The following CASTOR2 variants were observed in gnomAD, a reference collection of about 807,000 sequenced individuals.
CASTOR2 encodes cytosolic arginine sensor for mTORC1 subunit 2.
CASTOR2 carries 8 observed loss-of-function variants against 31.2 expected under a neutral mutation model. The ratio of observed to expected loss-of-function variants is 0.26; its 90% confidence interval spans 0.15 to 0.46. The LOEUF is 0.46. Ranked by LOEUF, CASTOR2 falls within the 20% of genes least tolerant of loss-of-function variation. CASTOR2 has a pLI of 0.99. For missense variants in CASTOR2, 216 were observed against 382.1 expected (o/e 0.57, Z 3.62); for synonymous variants, 162 against 158.7 (o/e 1.02, Z -0.16).
intron 6 of CASTOR2, among the ~76,000 whole-genome samples, chr7:75,020,544 G>A (rs1804970788): frequency 6.6e-6 from 1 of 150,672 alleles, no homozygotes; most frequent in Non-Finnish European, 1.5e-5. Context: ...AGGCTGGAGT[G>A]CAGTGGCACT....
intron 1 of CASTOR2, among the ~76,000 whole-genome samples, chr7:74,998,368 C>T (rs1804404069): frequency 6.6e-6 from 1 of 152,176 alleles, no homozygotes; most frequent in East Asian, 1.9e-4. Context: ...CTTTGGGAGG[C>T]TGAGGTGGGT....
At position 74,997,224 on chromosome 7, in the gene CASTOR2, T is replaced by A. The variant is rs1228707222; in HGVS notation, c.114-10770T>A. 2.3e-3 allele frequency among the ~76,000 whole-genome samples: 343 copies of A among 151,544 alleles called. 7 individuals are homozygous for A. The East Asian group carries it at 0.05, about 22-fold the overall frequency. On this transcript the variant is annotated intron_variant, in intron 1 of 8. Coordinates refer to ENST00000616305, the MANE Select transcript of CASTOR2 (RefSeq NM_001145064.3). The stretch of plus-strand genomic sequence containing the variant: ...GCATGTTACCAGGCCCTGCTAATAT[T>A]TTTTTTTAGATTATTTTTTGTAGAG...
intron 2 of CASTOR2, among the ~76,000 whole-genome samples, chr7:75,010,123 G>T (rs1206316781): frequency 8.5e-5 from 13 of 152,074 alleles, no homozygotes; most frequent in African/African-American, 3.1e-4. Flanking sequence ...AAGCAGCATG[G>T]GGAGACTTCT....
intron 2 of CASTOR2, among the ~76,000 whole-genome samples, chr7:75,014,078 G>C (rs1804811107): frequency 6.6e-6 from 1 of 152,104 alleles, no homozygotes. Flanking sequence ...TGTCCTGACA[G>C]ATTCAGAATA....
chr7:74,986,115 A>G (rs1394728756), intron 1 of CASTOR2, among the ~76,000 whole-genome samples: 1 of 151,942 alleles, frequency 6.6e-6, no homozygotes, highest in African/African-American at 2.4e-5. Context: ...TTTTTAGTAG[A>G]GATGGGGTTT....
intron 1 of CASTOR2, among the ~76,000 whole-genome samples, chr7:74,992,673 C>T (rs1401389881): frequency 6.6e-6 from 1 of 152,110 alleles, no homozygotes; most frequent in Non-Finnish European, 1.5e-5. Flanking sequence ...CTCCTGACCT[C>T]GTGATCTGCC....
intron 1 of CASTOR2, among the ~76,000 whole-genome samples, chr7:74,999,908 C>T (rs1379667039): frequency 1.3e-5 from 2 of 152,264 alleles, no homozygotes; most frequent in East Asian, 1.9e-4. Context: ...CCACTGCGCC[C>T]GGCCACTCAC....
Position 75,027,892 on chromosome 7 carries a change from C to A in CASTOR2, c.*3193C>A, listed in dbSNP as rs947281958. 10 of 961,054 alleles carry A rather than the reference C, an allele frequency of 1.0e-5. No homozygotes were observed. In the East Asian group the frequency reaches 1.0e-4, roughly 10 times the overall value. 59.5% of individuals were successfully genotyped at this position (961,054 alleles called of 1,614,324 possible). On this transcript the variant is annotated 3_prime_UTR_variant, in exon 9 of 9. Transcript: ENST00000616305. Reference sequence around the variant, plus strand: ...GCAGGGGCCGTCTGCCCTTGTCCCCCAGCTATCTCCTGGTCTGCTGGGTGG... The same window carrying A: ...GCAGGGGCCGTCTGCCCTTGTCCCCAAGCTATCTCCTGGTCTGCTGGGTGG...
intron 1 of CASTOR2, among the ~76,000 whole-genome samples, chr7:74,975,953 C>T (rs1230101142): frequency 1.3e-5 from 2 of 149,966 alleles, no homozygotes; most frequent in African/African-American, 4.9e-5. Context: ...GGCATCCCAC[C>T]CCCAACCGGC....
intron 1 of CASTOR2, among the ~76,000 whole-genome samples, chr7:74,977,757 G>A (rs879986796): frequency 6.0e-5 from 9 of 150,272 alleles, no homozygotes; most frequent in Admixed American, 5.4e-4. Context: ...GCTCACTCCA[G>A]CCTCGATTTC....
intron 2 of CASTOR2, among the ~76,000 whole-genome samples, chr7:75,011,212 T>A (rs1159423381): frequency 1.3e-5 from 2 of 151,744 alleles, no homozygotes; most frequent in South Asian, 4.2e-4. Context: ...GCAGATCACC[T>A]GAGGTCAGGA....
intron 2 of CASTOR2, among the ~76,000 whole-genome samples, chr7:75,009,688 A>C (rs1463938469): frequency 6.6e-6 from 1 of 151,816 alleles, no homozygotes; most frequent in Non-Finnish European, 1.5e-5. Context: ...ATGTGTGTAC[A>C]GCCACAGCTT....
chr7:74,969,313 T>C (rs1427084857), intron 1 of CASTOR2, among the ~76,000 whole-genome samples: 5 of 110,402 alleles, frequency 4.5e-5, no homozygotes, highest in African/African-American at 1.9e-4. Flanking sequence ...GATAGGGTCT[T>C]CTTCTGTCAC....
rs1192035620 is a variant in CASTOR2 at position 75,004,452 on chromosome 7, CT to C, written c.114-3528del. ...ACCTCATGGATGACCCTAGCACAGG[CT>C]TTTTTTTTTTTTTCCCCCCGAGATG... is the stretch of plus-strand genomic sequence containing the variant. On this transcript the variant is annotated intron_variant, in intron 1 of 8. Transcript: ENST00000616305. Among the ~76,000 whole-genome samples, 54 of 136,246 alleles carry C rather than the reference CT, an allele frequency of 4.0e-4. 1 individual carries two copies. In the South Asian group the frequency reaches 6.2e-3, roughly 16 times the overall value. The allele number at this position is 136,246 out of a possible 152,430, so 89.4% of individuals were successfully genotyped here. A position where few individuals can be genotyped will look rare whatever the true frequency, so the allele number is the denominator to read the frequency against.
intron 2 of CASTOR2, among the ~76,000 whole-genome samples, chr7:75,016,840 G>T (rs1804874017): frequency 6.6e-6 from 1 of 152,198 alleles, no homozygotes; most frequent in South Asian, 2.1e-4. Flanking sequence ...TCCCTGCCCA[G>T]TCCTCCCAGG....
At chr7:75,005,799 A>G (rs1804594085) in intron 1 of CASTOR2, among the ~76,000 whole-genome samples, 1 of 152,202 alleles carries the variant, frequency 6.6e-6, no homozygotes, top group East Asian at 1.9e-4. Context: ...AGACGACAAC[A>G]CAGCAAGACC....
chr7:74,997,318 C>T (rs1247518637), intron 1 of CASTOR2, among the ~76,000 whole-genome samples: 6 of 152,084 alleles, frequency 3.9e-5, no homozygotes, highest in African/African-American at 1.4e-4. Context: ...ATTGATTCCT[C>T]ACCCTGGTTC....
intron 1 of CASTOR2, among the ~76,000 whole-genome samples, chr7:75,001,442 C>G (rs1804493660): frequency 6.6e-6 from 1 of 152,220 alleles, no homozygotes; most frequent in Non-Finnish European, 1.5e-5. Flanking sequence ...ATTTGCTCCT[C>G]TTTCCAGCTC....
chr7:75,010,151 G>C (rs1406895314), intron 2 of CASTOR2, among the ~76,000 whole-genome samples: 8 of 151,974 alleles, frequency 5.3e-5, no homozygotes, highest in Admixed American at 5.3e-4. Flanking sequence ...GGTCCTTTCT[G>C]GGGGCTCAAA....
Sources: gnomAD v4.1 joint callset for allele counts (sites outside exome capture counted in the v4.1 genomes callset) on GRCh38, gnomAD v4.1.1 for gene constraint, MANE v1.5 for transcripts, NCBI Gene and HGNC (gene_info 2026-07-23, HGNC 2026-07-21) for gene names.